MCTP1: variants seen among roughly 807,000 people sequenced by gnomAD.
MCTP1 encodes multiple C2 and transmembrane domain containing 1.
In MCTP1, 69 loss-of-function variants were observed where a neutral mutation model predicts 120.6. The observed-to-expected ratio is 0.57, with a 90% CI of 0.47 to 0.70. The LOEUF is 0.70. Among genes scored for constraint, MCTP1 ranks in the 30% least tolerant of loss-of-function variants. MCTP1 has a pLI of 0.00. For missense variants in MCTP1, 1,203 were observed against 1,248.8 expected (o/e 0.96, Z 0.55); for synonymous variants, 529 against 493.1 (o/e 1.07, Z -0.96).
In MCTP1 at chr5:94,739,602, A is replaced by G. The variant is rs187522022; in HGVS notation, c.2611-24716T>C. Among the ~76,000 whole-genome samples, 20 of 152,298 alleles carry G rather than the reference A, an allele frequency of 1.3e-4. No individual in the cohort carries two copies. The East Asian group carries it at 2.5e-3, about 19-fold the overall frequency. ...AAATCGCAATTTTAACCCTGTAATT[A>G]TAAGTGTACAATGAGATCTTAATGT... On this transcript the variant is annotated intron_variant, in intron 19 of 22. Transcript: ENST00000515393.
At chr5:95,263,448 C>A (rs1380453632) in intron 1 of MCTP1, among the ~76,000 whole-genome samples, 1 of 152,164 alleles carries the variant, frequency 6.6e-6, no homozygotes, top group East Asian at 1.9e-4. Flanking sequence ...TCCTGTGGCA[C>A]CCATCCAGGC....
chr5:95,053,835 C>CTT (rs1287061432), intron 1 of MCTP1, among the ~76,000 whole-genome samples: 6 of 152,044 alleles, frequency 3.9e-5, no homozygotes, highest in Non-Finnish European at 7.4e-5. Context: ...AAAGCAGAAC[C>CTT]TTGAAGGGAA....
At chr5:95,213,454 A>T (rs1752646373) in intron 1 of MCTP1, among the ~76,000 whole-genome samples, 1 of 152,232 alleles carries the variant, frequency 6.6e-6, no homozygotes, top group South Asian at 2.1e-4. Context: ...TAAGTTGTAG[A>T]TTCAATGCCA....
chr5:95,032,756 T>C (rs1048759776), intron 1 of MCTP1, among the ~76,000 whole-genome samples: 8 of 151,806 alleles, frequency 5.3e-5, no homozygotes, highest in African/African-American at 1.9e-4. Context: ...CTAAATGAAA[T>C]TTAGAGCAAA....
intron 1 of MCTP1, among the ~76,000 whole-genome samples, chr5:95,052,884 A>C (rs949943942): frequency 6.6e-6 from 1 of 152,328 alleles, no homozygotes; most frequent in East Asian, 1.9e-4. Context: ...TAGTACTAGA[A>C]GAAAATCCTG....
At chr5:94,875,654 C>T (rs1798705206) in intron 12 of MCTP1, among the ~76,000 whole-genome samples, 1 of 120,822 alleles carries the variant, frequency 8.3e-6, no homozygotes, top group South Asian at 2.7e-4. Flanking sequence ...GGAAAATCAA[C>T]AGGATTTGCA....
chr5:94,787,395 T>A lies in MCTP1; in HGVS notation c.2557-8232A>T, dbSNP rs1331699058. Among the ~76,000 whole-genome samples the A allele has an allele frequency of 2.0e-5, 3 of 152,156 alleles. No homozygotes were observed. In the East Asian group the frequency reaches 5.8e-4, roughly 29 times the overall value. ...ACTTCCGTATACATTGCAAGGGGAC[T>A]ATGGATACAGGAAATCTTACTGTGG... On this transcript the variant is annotated intron_variant, in intron 18 of 22. Transcript: ENST00000515393.
chr5:94,923,384 T>C (rs1221485127), intron 7 of MCTP1, among the ~76,000 whole-genome samples: 2 of 152,226 alleles, frequency 1.3e-5, no homozygotes, highest in African/African-American at 2.4e-5. Context: ...ATGGTCATTA[T>C]GCTTTAATCA....
chr5:95,003,733 T>C (rs2153640207), intron 2 of MCTP1, among the ~76,000 whole-genome samples: 1 of 152,320 alleles, frequency 6.6e-6, no homozygotes, highest in South Asian at 2.1e-4. Flanking sequence ...AGCAGAAGCA[T>C]GTATAGGCTG....
intron 17 of MCTP1, chr5:94,826,547 A>T: frequency 1.4e-6 from 1 of 720,602 alleles, no homozygotes; most frequent in South Asian, 1.4e-5. Context: ...ATTTTTTCAT[A>T]GAAGCTTCCT....
chr5:94,749,654 C>CAAAAAAAAA (rs57404381), intron 19 of MCTP1, among the ~76,000 whole-genome samples: 41 of 50,962 alleles, frequency 8.0e-4, no homozygotes, highest in Non-Finnish European at 9.1e-4. Flanking sequence ...GACTTCATCT[C>CAAAAAAAAA]AAAAAAAAAA....
intron 1 of MCTP1, among the ~76,000 whole-genome samples, chr5:95,163,790 G>A (rs1250720668): frequency 6.6e-6 from 1 of 151,952 alleles, no homozygotes; most frequent in African/African-American, 2.4e-5. Flanking sequence ...TGTGGTCTTG[G>A]GACATATTTG....
intron 1 of MCTP1, among the ~76,000 whole-genome samples, chr5:95,227,219 T>C (rs1754383739): frequency 6.6e-6 from 1 of 152,316 alleles, no homozygotes; most frequent in African/African-American, 2.4e-5. Context: ...CTCAGCTCTT[T>C]TTTTCTGCCT....
intron 19 of MCTP1, among the ~76,000 whole-genome samples, chr5:94,725,527 T>TA (rs61200137): frequency 4.6e-5 from 7 of 152,306 alleles, no homozygotes; most frequent in East Asian, 3.9e-4. Flanking sequence ...CGTTTGTTTT[T>TA]AAAAAAACTT....
At chr5:95,048,753 A>C (rs562340717) in intron 1 of MCTP1, among the ~76,000 whole-genome samples, 15 of 152,300 alleles carry the variant, frequency 9.8e-5, no homozygotes, top group Middle Eastern at 3.4e-3. Flanking sequence ...ACAAGTTAGA[A>C]TAACTAATAG....
chr5:95,037,759 C>G (rs191745620), intron 1 of MCTP1, among the ~76,000 whole-genome samples: 15 of 152,088 alleles, frequency 9.9e-5, no homozygotes, highest in African/African-American at 3.4e-4. Context: ...CCCAGCTACT[C>G]GGGAGGCTGA....
At chr5:94,739,584 A>T (rs528391352) in intron 19 of MCTP1, 5 of 152,282 alleles carry the variant, frequency 3.3e-5, no homozygotes, top group Admixed American at 1.3e-4. Flanking sequence ...CTCAAATCGC[A>T]ATTTTAACCC....
intron 12 of MCTP1, among the ~76,000 whole-genome samples, chr5:94,887,770 A>G (rs1801661305): frequency 1.3e-5 from 2 of 152,212 alleles, no homozygotes; most frequent in African/African-American, 4.8e-5. Context: ...AATATTTTAA[A>G]TTTTCTCACA....
intron 17 of MCTP1, among the ~76,000 whole-genome samples, chr5:94,853,610 A>G (rs1186654512): frequency 6.6e-6 from 1 of 151,908 alleles, no homozygotes; most frequent in African/African-American, 2.4e-5. Context: ...CATATTTATC[A>G]TCTTATAATG....
Sources: gnomAD v4.1 joint callset for allele counts (sites outside exome capture counted in the v4.1 genomes callset) on GRCh38, gnomAD v4.1.1 for gene constraint, MANE v1.5 for transcripts, NCBI Gene and HGNC (gene_info 2026-07-23, HGNC 2026-07-21) for gene names.